Variants in ZFP1 observed in about 807,000 individuals in gnomAD.
ZFP1 encodes ZFP1 zinc finger protein.
ZFP1 carries 32 observed loss-of-function variants against 38.5 expected under a neutral mutation model. The observed-to-expected ratio is 0.83, with a 90% CI of 0.63 to 1.12. The LOEUF (loss-of-function observed/expected upper bound fraction) is 1.12, where lower values mean the gene tolerates loss of function less well. Among genes scored for constraint, ZFP1 ranks in the 50% most tolerant of loss-of-function variants. ZFP1 has a pLI of 0.00. For synonymous variants in ZFP1, 245 were observed against 168.8 expected (o/e 1.45, Z -3.50); for missense variants, 616 against 480.8 (o/e 1.28, Z -2.63).
chr16:75,139,888 G>A, the ZFP1 span, among the ~76,000 whole-genome samples: 1 of 152,214 alleles, frequency 6.6e-6, no homozygotes, highest in Non-Finnish European at 1.5e-5. Flanking sequence ...GCGCGATATT[G>A]TGGATGTATT....
intron 3 of ZFP1, among the ~76,000 whole-genome samples, chr16:75,167,951 G>A (rs946912871): frequency 2.0e-5 from 3 of 152,086 alleles, no homozygotes; most frequent in Non-Finnish European, 4.4e-5. Context: ...AAATAAGCCG[G>A]GCATGGTGGC....
the ZFP1 span, among the ~76,000 whole-genome samples, chr16:75,130,028 A>G: frequency 6.6e-6 from 1 of 151,650 alleles, no homozygotes; most frequent in African/African-American, 2.4e-5. Flanking sequence ...GACAGAGTCC[A>G]CTCTGTCGCC....
At chr16:75,166,941 T>C (rs1395844556) in intron 3 of ZFP1, 45 bp downstream of exon 3, 8 of 1,579,058 alleles carry the variant, frequency 5.1e-6, no homozygotes, top group African/African-American at 4.1e-5. Flanking sequence ...CCTAGAGGTA[T>C]TTATGTCCTG....
At chr16:75,130,521 A>T in the ZFP1 span, among the ~76,000 whole-genome samples, 1 of 151,974 alleles carries the variant, frequency 6.6e-6, no homozygotes, top group Admixed American at 6.6e-5. Context: ...AAACTCCATC[A>T]TTTTGCTTCT....
upstream of ZFP1, among the ~76,000 whole-genome samples, chr16:75,146,770 C>G (rs1050707663): frequency 3.3e-5 from 5 of 151,910 alleles, no homozygotes; most frequent in African/African-American, 1.2e-4. Flanking sequence ...AAAATGCCAT[C>G]TCTACAAAAA....
At chr16:75,168,279 GC>G (rs1375285164) in intron 3 of ZFP1, among the ~76,000 whole-genome samples, 4 of 152,164 alleles carry the variant, frequency 2.6e-5, no homozygotes, top group Non-Finnish European at 5.9e-5. Flanking sequence ...TCTTAGCCTT[GC>G]CAGTATCTGT....
chr16:75,142,704 C>G, the ZFP1 span, among the ~76,000 whole-genome samples: 2 of 152,102 alleles, frequency 1.3e-5, no homozygotes, highest in Non-Finnish European at 2.9e-5. Flanking sequence ...GTTATTTTAT[C>G]TATATTTTTA....
intron 2 of ZFP1, among the ~76,000 whole-genome samples, chr16:75,153,507 A>G (rs1011789080): frequency 6.6e-6 from 1 of 152,192 alleles, no homozygotes; most frequent in African/African-American, 2.4e-5. Flanking sequence ...TGTTAATCAT[A>G]CTGTTCTGTT....
the ZFP1 span, chr16:75,132,476 A>G: frequency 6.6e-6 from 1 of 151,726 alleles, no homozygotes; most frequent in South Asian, 2.1e-4. Flanking sequence ...TATTTCTCTA[A>G]TCTCTGTATT....
upstream of ZFP1, among the ~76,000 whole-genome samples, chr16:75,146,626 T>C (rs990221182): frequency 5.9e-5 from 9 of 152,016 alleles, no homozygotes; most frequent in African/African-American, 9.7e-5. Context: ...ATGCAGACAG[T>C]AGAATATTAT....
rs200925992 is a variant in ZFP1, at chr16:75,161,774, A to ATTTTTTT, written c.16-4976_16-4970dup. Among the ~76,000 whole-genome samples, 8 of 7,818 alleles carry ATTTTTTT rather than the reference A, an allele frequency of 1.0e-3. 1 individual carries two copies. Among genetic ancestry groups the ATTTTTTT allele is most frequent in the Admixed American group, 2.1e-3 (1 of 466 alleles). 5.1% of individuals were successfully genotyped at this position (7,818 alleles called of 152,430 possible). On this transcript the variant is annotated intron_variant, in intron 2 of 3. Coordinates refer to ENST00000570010, the MANE Select transcript of ZFP1 (RefSeq NM_153688.4). ...TTTTATGAAATATATATATATATAT[A>ATTTTTTT]TTTTTTTTTTTTTTTTTTTTTTTTT...
chr16:75,132,127 C>T, the ZFP1 span, among the ~76,000 whole-genome samples: 2 of 152,182 alleles, frequency 1.3e-5, no homozygotes, highest in African/African-American at 4.8e-5. Context: ...GTGGCTCACA[C>T]TTGTCATCCC....
At chr16:75,120,079 G>A in the ZFP1 span, among the ~76,000 whole-genome samples, 1 of 152,152 alleles carries the variant, frequency 6.6e-6, no homozygotes, top group Non-Finnish European at 1.5e-5. Flanking sequence ...TTTTTTTAAA[G>A]GAGCTCAATG....
At chr16:75,152,387 T>C (rs76751568) in intron 1 of ZFP1, among the ~76,000 whole-genome samples, 2,981 of 152,330 alleles carry the variant, frequency 0.02, 40 homozygotes, top group Middle Eastern at 0.031. Context: ...TTTATGTTTT[T>C]CTTCCATTTC....
At chr16:75,128,827 G>A in the ZFP1 span, among the ~76,000 whole-genome samples, 1 of 152,190 alleles carries the variant, frequency 6.6e-6, no homozygotes, top group Admixed American at 6.5e-5. Flanking sequence ...TGCTCTTTGT[G>A]TTGCCCAGGC....
At position 75,170,157 on chromosome 16, in the gene ZFP1, G is replaced by A. The variant is rs139182426; in HGVS notation, c.1047G>A (p.Glu349=). 3.0e-5 allele frequency: 48 copies of A among 1,614,038 alleles called. No homozygotes were observed. Among genetic ancestry groups the A allele is most frequent in the Non-Finnish European group, 3.8e-5 (45 of 1,180,018 alleles). ...TACACATGAGAACTCATACAGGAGA[G>A]AAACCCTATGAATGTACTGAGTGCG... ...LIIHMRTHTG[E]KPYECTECGK... is the part of the protein sequence containing the mutation. Residue 349 remains glutamate (E), a synonymous_variant, in exon 4 of 4, where the codon GAG becomes GAA. Transcript: ENST00000570010.
At chr16:75,151,105 C>T (rs1417449574) in intron 1 of ZFP1, among the ~76,000 whole-genome samples, 6 of 151,900 alleles carry the variant, frequency 3.9e-5, no homozygotes, top group Admixed American at 3.3e-4. Flanking sequence ...GCAGTCCACC[C>T]ACCTTTGCCT....
chr16:75,148,685 C>A (rs757749374), intron 1 of ZFP1, 42 bp downstream of exon 1: 1 of 152,230 alleles, frequency 6.6e-6, no homozygotes, highest in South Asian at 2.1e-4. Flanking sequence ...GGCCTGGGGC[C>A]GAGGGGAAGG....
intron 2 of ZFP1, among the ~76,000 whole-genome samples, chr16:75,166,239 AGT>A (rs35479897): frequency 0.018 from 2,790 of 152,254 alleles, 112 homozygotes; most frequent in African/African-American, 0.065. Context: ...GAGCAGAAAC[AGT>A]GTTTATTTTT....
Sources: allele counts gnomAD v4.1 joint callset (sites outside exome capture counted in the v4.1 genomes callset), GRCh38; gene constraint gnomAD v4.1.1; transcripts MANE v1.5; gene names NCBI Gene and HGNC (gene_info 2026-07-23, HGNC 2026-07-21).